The following SCHIP1 variants were observed in gnomAD, a reference collection of about 807,000 sequenced individuals.
SCHIP1 encodes schwannomin-interacting protein 1.
In SCHIP1, 8 loss-of-function variants were observed where a neutral mutation model predicts 29.7. That is an observed-to-expected ratio of 0.27 (90% CI 0.16 to 0.49). The LOEUF is 0.49. Ranked by LOEUF, SCHIP1 falls within the 20% of genes least tolerant of loss-of-function variation. SCHIP1 has a pLI of 0.99. For synonymous variants in SCHIP1, 76 were observed against 94.9 expected (o/e 0.80, Z 1.16); for missense variants, 193 against 294.6 (o/e 0.66, Z 2.52).
the SCHIP1 span, among the ~76,000 whole-genome samples, chr3:159,317,391 A>G: frequency 6.6e-6 from 1 of 152,148 alleles, no homozygotes; most frequent in East Asian, 1.9e-4. Flanking sequence ...AGCAGAACAT[A>G]ATGTCGTGGG....
chr3:159,534,935 G>A, the SCHIP1 span, among the ~76,000 whole-genome samples: 12 of 152,060 alleles, frequency 7.9e-5, no homozygotes, highest in South Asian at 1.2e-3. Flanking sequence ...CAAACATTTC[G>A]CAGTTCTCCC....
the SCHIP1 span, among the ~76,000 whole-genome samples, chr3:159,332,720 A>ATGAG: frequency 6.6e-6 from 1 of 152,188 alleles, no homozygotes; most frequent in Non-Finnish European, 1.5e-5. Flanking sequence ...TGGAATTTCA[A>ATGAG]TGAGTATCCA....
the SCHIP1 span, among the ~76,000 whole-genome samples, chr3:159,815,887 A>G: frequency 2.4e-4 from 36 of 152,222 alleles, no homozygotes; most frequent in South Asian, 2.1e-3. Context: ...CGTTCTGCAA[A>G]TGCTATTAAC....
the SCHIP1 span, among the ~76,000 whole-genome samples, chr3:159,481,009 T>C: frequency 6.6e-6 from 1 of 152,140 alleles, no homozygotes; most frequent in Non-Finnish European, 1.5e-5. Flanking sequence ...CACAAGGTGC[T>C]CAGTCAGGGA....
chr3:159,801,945 C>T, the SCHIP1 span, among the ~76,000 whole-genome samples: 5 of 152,208 alleles, frequency 3.3e-5, no homozygotes, highest in African/African-American at 4.8e-5. Flanking sequence ...AATAATATCA[C>T]TATTGTCATT....
the SCHIP1 span, among the ~76,000 whole-genome samples, chr3:159,544,720 G>A: frequency 1.3e-5 from 2 of 151,870 alleles, no homozygotes; most frequent in Non-Finnish European, 1.5e-5. Flanking sequence ...TTGATATGTA[G>A]GAATTCATTA....
the SCHIP1 span, among the ~76,000 whole-genome samples, chr3:159,568,419 A>G: frequency 6.6e-6 from 1 of 152,064 alleles, no homozygotes; most frequent in Non-Finnish European, 1.5e-5. Flanking sequence ...AAAGCTTTTT[A>G]TCAATATATT....
chr3:159,707,398 T>C, the SCHIP1 span, among the ~76,000 whole-genome samples: 1 of 152,128 alleles, frequency 6.6e-6, no homozygotes, highest in Non-Finnish European at 1.5e-5. Flanking sequence ...ATTAGAAAAA[T>C]ATATATTTCA....
the SCHIP1 span, among the ~76,000 whole-genome samples, chr3:159,397,660 A>T: frequency 6.6e-6 from 1 of 152,148 alleles, no homozygotes; most frequent in East Asian, 1.9e-4. Context: ...GACCCACTTG[A>T]GGAGGCAGTC....
intron 2 of SCHIP1, among the ~76,000 whole-genome samples, chr3:159,867,772 A>C (rs1714773966): frequency 6.6e-6 from 1 of 151,956 alleles, no homozygotes; most frequent in Admixed American, 6.6e-5. Context: ...AAACTTTAAC[A>C]ATTTACTTAG....
At chr3:159,407,779 A>G in the SCHIP1 span, among the ~76,000 whole-genome samples, 2 of 152,216 alleles carry the variant, frequency 1.3e-5, no homozygotes, top group African/African-American at 4.8e-5. Context: ...ATACTCCTGA[A>G]TGACCAGTTG....
chr3:159,753,509 C>CCCCCATCTATT, the SCHIP1 span, among the ~76,000 whole-genome samples: 2 of 152,194 alleles, frequency 1.3e-5, no homozygotes, highest in Non-Finnish European at 2.9e-5. Flanking sequence ...TATTTAGTCA[C>CCCCCATCTATT]TAGATCCTGT....
the SCHIP1 span, among the ~76,000 whole-genome samples, chr3:159,687,637 C>T: frequency 6.6e-6 from 1 of 152,072 alleles, no homozygotes. Flanking sequence ...TTCTGGGATA[C>T]GTGTGCAGAA....
chr3:159,385,597 A>C, the SCHIP1 span, among the ~76,000 whole-genome samples: 1 of 151,498 alleles, frequency 6.6e-6, no homozygotes, highest in Non-Finnish European at 1.5e-5. Flanking sequence ...AACCAAAAAA[A>C]AAAAAAACCC....
At chr3:159,619,230 T>C in the SCHIP1 span, among the ~76,000 whole-genome samples, 4 of 152,198 alleles carry the variant, frequency 2.6e-5, no homozygotes, top group Admixed American at 2.6e-4. Context: ...AAAACATCCA[T>C]GAAGAGCAAC....
At chr3:159,739,902 T>C in the SCHIP1 span, among the ~76,000 whole-genome samples, 1 of 152,344 alleles carries the variant, frequency 6.6e-6, no homozygotes, top group East Asian at 1.9e-4. Context: ...AAGAGTAACA[T>C]TGAACATCAA....
At chr3:159,469,409 T>C in the SCHIP1 span, among the ~76,000 whole-genome samples, 1 of 152,148 alleles carries the variant, frequency 6.6e-6, no homozygotes, top group East Asian at 1.9e-4. Context: ...CAGAGTGAAA[T>C]TGGGAAATTT....
chr3:159,815,880 T>G, the SCHIP1 span, among the ~76,000 whole-genome samples: 12 of 152,172 alleles, frequency 7.9e-5, no homozygotes, highest in African/African-American at 2.7e-4. Flanking sequence ...CCACCCCCGT[T>G]CTGCAAATGC....
the SCHIP1 span, among the ~76,000 whole-genome samples, chr3:159,465,126 A>G: frequency 6.6e-6 from 1 of 152,138 alleles, no homozygotes; most frequent in Non-Finnish European, 1.5e-5. Flanking sequence ...TCTTCTAAGA[A>G]GTGCAAATTT....
Sources: gnomAD v4.1 joint callset for allele counts (sites outside exome capture counted in the v4.1 genomes callset) on GRCh38, gnomAD v4.1.1 for gene constraint, MANE v1.5 for transcripts, NCBI Gene and HGNC (gene_info 2026-07-23, HGNC 2026-07-21) for gene names.